The following CDH4 variants were observed in gnomAD, a reference collection of about 807,000 sequenced individuals.
CDH4 encodes cadherin 4.
In CDH4, 33 loss-of-function variants were observed where a neutral mutation model predicts 86.0. The observed-to-expected ratio is 0.38, with a 90% CI of 0.29 to 0.51. The LOEUF (loss-of-function observed/expected upper bound fraction) is 0.51. Among genes scored for constraint, CDH4 ranks in the 20% least tolerant of loss-of-function variants. The pLI, the probability that CDH4 is intolerant of heterozygous loss-of-function variation, is 0.86. For synonymous variants in CDH4, 555 were observed against 549.4 expected (o/e 1.01, Z -0.14); for missense variants, 1,114 against 1,307.4 (o/e 0.85, Z 2.28).
Position 61,676,779 on chromosome 20 carries a change from G to A in CDH4, c.170-66784G>A, listed in dbSNP as rs1423191397. Among the ~76,000 whole-genome samples the A allele has an allele frequency of 6.6e-6, 1 of 152,238 alleles. No homozygotes were observed. The highest frequency in any genetic ancestry group is 2.4e-5 in the African/African-American group (1 of 41,456). ...GAAGGTGGTGTTTGCTGCGAGAAAG[G>A]GAAAGTGGGATCAGGATGAGGCTTG... On this transcript the variant is annotated intron_variant, in intron 2 of 15. Transcript: ENST00000614565. This position sits in a 1 kb window ranked among gnomAD's most constrained non-coding sequence, Gnocchi z 4.5.
intron 2 of CDH4, among the ~76,000 whole-genome samples, chr20:61,297,635 T>A (rs2084363214): frequency 6.6e-6 from 1 of 152,228 alleles, no homozygotes; most frequent in African/African-American, 2.4e-5. Context: ...CAGTGGGCCC[T>A]TCAGAAAGAT....
chr20:61,289,739 T>C (rs1173651617), intron 2 of CDH4, among the ~76,000 whole-genome samples: 2 of 113,636 alleles, frequency 1.8e-5, no homozygotes, highest in Non-Finnish European at 3.7e-5. Context: ...CCAACGAGAC[T>C]TGCTGGGTTT....
intron 2 of CDH4, among the ~76,000 whole-genome samples, chr20:61,569,143 TC>T (rs1468279256): frequency 2.0e-5 from 3 of 152,172 alleles, no homozygotes; most frequent in Non-Finnish European, 4.4e-5. Flanking sequence ...CAACTGGCCT[TC>T]CCCGAACCTT....
At chr20:61,298,007 T>C (rs890727724) in intron 2 of CDH4, among the ~76,000 whole-genome samples, 2 of 152,204 alleles carry the variant, frequency 1.3e-5, no homozygotes, top group Admixed American at 1.3e-4. Context: ...CGTTATCCCG[T>C]GTCAAGGAGG....
At chr20:61,523,782 T>C (rs977430448) in intron 2 of CDH4, among the ~76,000 whole-genome samples, 5 of 152,216 alleles carry the variant, frequency 3.3e-5, no homozygotes, top group African/African-American at 1.2e-4. Flanking sequence ...ATTCAGTAAA[T>C]AGTGAGCTCC....
At chr20:61,843,151 G>A (rs1031266356) in intron 4 of CDH4, among the ~76,000 whole-genome samples, 8 of 151,280 alleles carry the variant, frequency 5.3e-5, no homozygotes, top group South Asian at 2.1e-4. Flanking sequence ...TGGGAGGATC[G>A]CTTAAAGCCA....
intron 2 of CDH4, among the ~76,000 whole-genome samples, chr20:61,479,713 C>A (rs2085558698): frequency 6.6e-6 from 1 of 152,132 alleles, no homozygotes; most frequent in South Asian, 2.1e-4. Flanking sequence ...TTGGGGTTTG[C>A]TGAGCTTCTT....
chr20:61,565,340 G>C (rs1384568948), intron 2 of CDH4, among the ~76,000 whole-genome samples: 8 of 21,456 alleles, frequency 3.7e-4, no homozygotes, highest in Non-Finnish European at 6.8e-4. Context: ...GATGGTGGTA[G>C]TGGTCCTCTT....
At chr20:61,429,666 G>GGT (rs1462055525) in intron 2 of CDH4, among the ~76,000 whole-genome samples, 1 of 151,326 alleles carries the variant, frequency 6.6e-6, no homozygotes, top group Non-Finnish European at 1.5e-5. Context: ...TGGATGGGTG[G>GGT]GTGGATGGAT....
In CDH4 at chr20:61,770,882, CAAA is replaced by C. The variant is rs4002953; in HGVS notation, c.397-2109_397-2107del. Among the ~76,000 whole-genome samples the C allele has an allele frequency of 5.4e-5, 6 of 111,996 alleles. No individual in the cohort carries two copies. In the South Asian group the frequency reaches 1.9e-3, roughly 36 times the overall value. The allele number at this position is 111,996 out of a possible 152,430, so 73.5% of individuals were successfully genotyped here. A position where few individuals can be genotyped will look rare whatever the true frequency, so the allele number is the denominator to read the frequency against. On this transcript the variant is annotated intron_variant, in intron 3 of 15. Coordinates refer to ENST00000614565, the MANE Select transcript of CDH4 (RefSeq NM_001794.5). ...TGGGCGACAGAGCGAGACTCCGTCTCAAAAAAAAAAAAAACACAGAAAGGTAAA... is the reference window on the plus strand; with the variant it reads ...TGGGCGACAGAGCGAGACTCCGTCTCAAAAAAAAAAACACAGAAAGGTAAA...
At chr20:61,586,468 G>A (rs538965618) in intron 2 of CDH4, among the ~76,000 whole-genome samples, 1 of 152,166 alleles carries the variant, frequency 6.6e-6, no homozygotes, top group Non-Finnish European at 1.5e-5. Context: ...GTGTTTCTGT[G>A]GCCTCCAGCC....
At chr20:61,338,511 G>A (rs535819804) in intron 2 of CDH4, among the ~76,000 whole-genome samples, 1 of 152,198 alleles carries the variant, frequency 6.6e-6, no homozygotes, top group African/African-American at 2.4e-5. Context: ...CTGGACTTGG[G>A]GACTTGTCTC....
At chr20:61,717,313 G>A in intron 2 of CDH4, among the ~76,000 whole-genome samples, 1 of 152,212 alleles carries the variant, frequency 6.6e-6, no homozygotes, top group Non-Finnish European at 1.5e-5. Context: ...GGACAGGACA[G>A]AGAGTGGCCC....
At chr20:61,905,326 G>C (rs1257491901) in intron 8 of CDH4, among the ~76,000 whole-genome samples, 1 of 152,222 alleles carries the variant, frequency 6.6e-6, no homozygotes, top group Non-Finnish European at 1.5e-5. Flanking sequence ...TAGACTCTTT[G>C]TATAAACTTC....
chr20:61,443,878 GTGTGTCTGTGTA>G (rs2085326955), intron 2 of CDH4, among the ~76,000 whole-genome samples: 1 of 151,654 alleles, frequency 6.6e-6, no homozygotes, highest in South Asian at 2.1e-4. Context: ...CTATATCTCT[GTGTGTCTGTGTA>G]TGTGTCTGTG....
At chr20:61,343,415 T>A (rs972480305) in intron 2 of CDH4, among the ~76,000 whole-genome samples, 1 of 152,250 alleles carries the variant, frequency 6.6e-6, no homozygotes, top group African/African-American at 2.4e-5. Flanking sequence ...ACTAGAATTC[T>A]TGAATAGTTA....
intron 9 of CDH4, among the ~76,000 whole-genome samples, chr20:61,919,346 C>T (rs1600772014): frequency 6.6e-6 from 1 of 152,222 alleles, no homozygotes; most frequent in Non-Finnish European, 1.5e-5. Context: ...TCTGTTCAGA[C>T]TCAGGTGCTT....
intron 8 of CDH4, among the ~76,000 whole-genome samples, chr20:61,900,990 T>C (rs2122890889): frequency 6.6e-6 from 1 of 152,362 alleles, no homozygotes; most frequent in Non-Finnish European, 1.5e-5. Context: ...TGATAGCAAT[T>C]GTGTCCTTCA....
chr20:61,866,044 C>T (rs966178753), intron 6 of CDH4, among the ~76,000 whole-genome samples: 9 of 152,186 alleles, frequency 5.9e-5, no homozygotes, highest in Non-Finnish European at 7.4e-5. Context: ...AGCATCCTGG[C>T]ACTGAGGTCA....
Sources: allele counts gnomAD v4.1 joint callset (sites outside exome capture counted in the v4.1 genomes callset), GRCh38; gene constraint gnomAD v4.1.1; non-coding constraint Gnocchi (gnomAD v3.1); transcripts MANE v1.5; gene names NCBI Gene and HGNC (gene_info 2026-07-23, HGNC 2026-07-21).